CCSER1: variants seen among roughly 807,000 people sequenced by gnomAD.
CCSER1 encodes the protein serine-rich coiled-coil domain-containing protein 1.
CCSER1 carries 41 observed loss-of-function variants against 82.0 expected under a neutral mutation model. The observed-to-expected ratio is 0.50, with a 90% CI of 0.39 to 0.65. CCSER1 has a LOEUF of 0.65. Among genes scored for constraint, CCSER1 ranks in the 30% least tolerant of loss-of-function variants. The pLI, the probability that CCSER1 is intolerant of heterozygous loss-of-function variation, is 0.00. For synonymous variants in CCSER1, 414 were observed against 383.9 expected (o/e 1.08, Z -0.92); for missense variants, 1,119 against 1,064.2 (o/e 1.05, Z -0.72).
At chr4:90,191,357 T>C (rs989590638) in intron 1 of CCSER1, among the ~76,000 whole-genome samples, 10 of 151,954 alleles carry the variant, frequency 6.6e-5, no homozygotes, top group East Asian at 1.9e-4. Flanking sequence ...GAGAATGAGA[T>C]AGATGGTCAG....
chr4:91,410,903 C>T (rs1752982442), intron 10 of CCSER1, among the ~76,000 whole-genome samples: 1 of 151,960 alleles, frequency 6.6e-6, no homozygotes, highest in African/African-American at 2.4e-5. Context: ...GAAAATACAG[C>T]ACATTCAGAA....
intron 10 of CCSER1, among the ~76,000 whole-genome samples, chr4:91,524,152 T>C (rs1226547322): frequency 6.6e-6 from 1 of 152,208 alleles, no homozygotes; most frequent in African/African-American, 2.4e-5. Context: ...CTCAAGGTCA[T>C]ATGTCTCTTA....
At chr4:91,178,260 TGTG>T (rs1347069956) in intron 10 of CCSER1, among the ~76,000 whole-genome samples, 1 of 152,182 alleles carries the variant, frequency 6.6e-6, no homozygotes, top group Non-Finnish European at 1.5e-5. Flanking sequence ...ATAGGTGTGG[TGTG>T]GTGCTGAGAA....
chr4:91,176,959 T>A (rs1056518368), intron 10 of CCSER1, among the ~76,000 whole-genome samples: 1 of 152,200 alleles, frequency 6.6e-6, no homozygotes, highest in African/African-American at 2.4e-5. Context: ...TGTGGGTTTG[T>A]CATAAATAGC....
chr4:90,556,832 G>A (rs2153645037), intron 5 of CCSER1, among the ~76,000 whole-genome samples: 2 of 148,844 alleles, frequency 1.3e-5, no homozygotes, highest in South Asian at 4.3e-4. Flanking sequence ...ACTGTTCAAG[G>A]AACAACTGTA....
intron 10 of CCSER1, among the ~76,000 whole-genome samples, chr4:91,191,134 T>G (rs1375713828): frequency 3.9e-5 from 6 of 152,212 alleles, no homozygotes; most frequent in Non-Finnish European, 8.8e-5. Flanking sequence ...CATAGTTCAT[T>G]TAGAAAGCTC....
chr4:90,765,484 A>G (rs1322439765), intron 7 of CCSER1, among the ~76,000 whole-genome samples: 1 of 152,120 alleles, frequency 6.6e-6, no homozygotes, highest in Non-Finnish European at 1.5e-5. Flanking sequence ...ATCTTTGACA[A>G]TTAAGAAATA....
intron 7 of CCSER1, among the ~76,000 whole-genome samples, chr4:90,754,373 A>G (rs1039514189): frequency 6.6e-6 from 1 of 152,182 alleles, no homozygotes; most frequent in Admixed American, 6.5e-5. Context: ...GAGCATATAT[A>G]TCTATGCAGA....
At chr4:90,689,138 G>A (rs1735344363) in intron 6 of CCSER1, among the ~76,000 whole-genome samples, 1 of 152,114 alleles carries the variant, frequency 6.6e-6, no homozygotes, top group African/African-American at 2.4e-5. Context: ...TCTTTGGAAT[G>A]CTGATGATTT....
intron 1 of CCSER1, among the ~76,000 whole-genome samples, chr4:90,204,641 T>G (rs777580163): frequency 1.3e-5 from 2 of 152,238 alleles, no homozygotes; most frequent in Non-Finnish European, 2.9e-5. Context: ...TTTCCAGCTT[T>G]GTTCTTTTTG....
chr4:90,757,376 A>G (rs1298610738), intron 7 of CCSER1, among the ~76,000 whole-genome samples: 1 of 152,186 alleles, frequency 6.6e-6, no homozygotes, highest in Non-Finnish European at 1.5e-5. Context: ...ATTCAGGTTA[A>G]AACTGGCTTG....
chr4:90,934,431 T>C (rs549955333), intron 9 of CCSER1, among the ~76,000 whole-genome samples: 1 of 148,096 alleles, frequency 6.8e-6, no homozygotes, highest in East Asian at 2.0e-4. Context: ...AACTTATTAT[T>C]TGCTAATTGA....
At chr4:90,558,509 T>C (rs1486513491) in intron 5 of CCSER1, among the ~76,000 whole-genome samples, 1 of 152,014 alleles carries the variant, frequency 6.6e-6, no homozygotes, top group Non-Finnish European at 1.5e-5. Flanking sequence ...GTGATACTTG[T>C]TTTTGTATTC....
chr4:91,121,405 CT>C (rs1285208433), intron 10 of CCSER1, among the ~76,000 whole-genome samples: 1 of 151,670 alleles, frequency 6.6e-6, no homozygotes, highest in African/African-American at 2.4e-5. Context: ...AATCTATCTA[CT>C]GTGTAAGGAA....
At chr4:90,365,078 T>G (rs1326011007) in intron 3 of CCSER1, among the ~76,000 whole-genome samples, 1 of 151,836 alleles carries the variant, frequency 6.6e-6, no homozygotes, top group Non-Finnish European at 1.5e-5. Flanking sequence ...TTGCAATCAG[T>G]GAAATTAGTA....
At position 91,401,540 on chromosome 4, in the gene CCSER1, C is replaced by T. The variant is rs978174257; in HGVS notation, c.2218-197032C>T. Among the ~76,000 whole-genome samples, 19 of 151,914 alleles carry T rather than the reference C, an allele frequency of 1.3e-4. 1 individual carries two copies. Among genetic ancestry groups the T allele is most frequent in the Middle Eastern group, 6.8e-3 (2 of 294 alleles). On this transcript the variant is annotated intron_variant, in intron 10 of 10. Transcript: ENST00000509176. ...ATTAGGTATATCTCCTAATTCTATT[C>T]GTCCCCCCTCCCCCAACCCCATGAC...
At chr4:90,839,054 C>T (rs1488915526) in intron 8 of CCSER1, 4 of 1,610,320 alleles carry the variant, frequency 2.5e-6, no homozygotes, top group East Asian at 2.2e-5. Context: ...GGAGGAAAAG[C>T]GGAGCGAGGC....
At chr4:90,800,786 C>T (rs1487577020) in intron 7 of CCSER1, among the ~76,000 whole-genome samples, 1 of 152,112 alleles carries the variant, frequency 6.6e-6, no homozygotes, top group African/African-American at 2.4e-5. Context: ...TTCTATGACC[C>T]TGGGAAATTT....
intron 10 of CCSER1, among the ~76,000 whole-genome samples, chr4:91,464,214 A>C (rs1756710640): frequency 6.6e-6 from 1 of 152,186 alleles, no homozygotes; most frequent in South Asian, 2.1e-4. Flanking sequence ...ATTTTAAAGA[A>C]AAGTATTTTC....
Sources: allele counts gnomAD v4.1 joint callset (sites outside exome capture counted in the v4.1 genomes callset), GRCh38; gene constraint gnomAD v4.1.1; transcripts MANE v1.5; gene names NCBI Gene and HGNC (gene_info 2026-07-23, HGNC 2026-07-21).